Variants in ARID3A observed in about 807,000 individuals in gnomAD.
ARID3A encodes AT-rich interactive domain-containing protein 3A.
Under a neutral mutation model 52.7 loss-of-function variants are expected in ARID3A, and 11 were observed. That is an observed-to-expected ratio of 0.21 (90% confidence interval 0.13 to 0.35). The LOEUF is 0.35. ARID3A is among the 10% of genes least tolerant of loss of function. ARID3A has a pLI of 1.00. For synonymous variants in ARID3A, 404 were observed against 359.4 expected (o/e 1.12, Z -1.40); for missense variants, 721 against 838.5 (o/e 0.86, Z 1.73).
In ARID3A at chr19:947,464, G is replaced by C. The variant is rs2037710731; in HGVS notation, c.694-12628G>C. On this transcript the variant is annotated intron_variant, in intron 3 of 8. Coordinates refer to ENST00000263620, the MANE Select transcript of ARID3A (RefSeq NM_005224.3). The surrounding 1 kb of genome is among the most constrained non-coding windows in gnomAD (Gnocchi z 6.3). ...CTCGTGGGCCTCAGTTTCCCCAACT[G>C]TGAAACGGGCTGGCGGCCGGTCAGC... is the stretch of plus-strand genomic sequence containing the variant. Among the ~76,000 whole-genome samples, 2 of 152,140 alleles carry C rather than the reference G, an allele frequency of 1.3e-5. No individual in the cohort carries two copies. The highest frequency in any genetic ancestry group is 1.3e-4 in the Admixed American group (2 of 15,276).
chr19:927,097 G>C (rs1230533671), intron 1 of ARID3A, among the ~76,000 whole-genome samples: 1 of 151,970 alleles, frequency 6.6e-6, no homozygotes, highest in East Asian at 1.9e-4. Flanking sequence ...GCCACCCGCG[G>C]GCCCGGGGCC....
In ARID3A at chr19:960,109, G is replaced by C. The variant is rs2038007593; in HGVS notation, c.711G>C (p.Gly237=). The C allele has an allele frequency of 6.2e-7, 1 of 1,613,074 alleles. No individual in the cohort carries two copies. Among genetic ancestry groups the C allele is most frequent in the Non-Finnish European group, 8.5e-7 (1 of 1,179,482 alleles). Residue 237 remains glycine (G), a synonymous_variant, in exon 4 of 9, where the codon GGG becomes GGC. Coordinates refer to ENST00000263620, the MANE Select transcript of ARID3A (RefSeq NM_005224.3). The surrounding 1 kb of genome is among the most constrained non-coding windows in gnomAD (Gnocchi z 4.3). ...CCTCACAGCTCTACGAACTCGACGGGGACCCCAAGAGGAAGGAATTCCTGG... is the reference window on the plus strand; with the variant it reads ...CCTCACAGCTCTACGAACTCGACGGCGACCCCAAGAGGAAGGAATTCCTGG... ...EQFKQLYELD[G]DPKRKEFLDD... is the part of the protein sequence containing the mutation.
intron 2 of ARID3A, among the ~76,000 whole-genome samples, chr19:932,113 G>A (rs1285185035): frequency 6.6e-6 from 1 of 151,978 alleles, no homozygotes; most frequent in East Asian, 1.9e-4. Context: ...CTCCCGCCTT[G>A]GCCTCCCAGA....
At chr19:961,075 A>C (rs2038031158) in intron 4 of ARID3A, among the ~76,000 whole-genome samples, 1 of 151,458 alleles carries the variant, frequency 6.6e-6, no homozygotes, top group Admixed American at 6.6e-5. Context: ...AGCCGCCCCA[A>C]CCCCCCTGGA....
At chr19:966,515 A>G (rs1568373166) in intron 6 of ARID3A, 57 bp from the exon 7 acceptor site, 2 of 1,358,862 alleles carry the variant, frequency 1.5e-6, no homozygotes, top group East Asian at 2.4e-5. Flanking sequence ...TCCTGCCTTG[A>G]GTGGAAGGCA....
In ARID3A at chr19:960,229, A is replaced by ACTGG. The variant is rs2038011110; in HGVS notation, c.766+68_766+71dup. 1 of 1,474,360 alleles carries ACTGG rather than the reference A, an allele frequency of 6.8e-7. No homozygotes were observed. Among genetic ancestry groups the ACTGG allele is most frequent in the Non-Finnish European group, 9.3e-7 (1 of 1,074,970 alleles). The allele number at this position is 1,474,360 out of a possible 1,614,324, so 91.3% of individuals were successfully genotyped here. A position where few individuals can be genotyped will look rare whatever the true frequency, so the allele number is the denominator to read the frequency against. ...GAAACAGGGCTGTAGGAGGGGCCCTACTGGCTCCAGGTATGTCGGGGCGGT... is the reference window on the plus strand; with the variant it reads ...GAAACAGGGCTGTAGGAGGGGCCCTACTGGCTGGCTCCAGGTATGTCGGGGCGGT... On this transcript the variant is annotated intron_variant, in intron 4 of 8. Transcript: ENST00000263620. The surrounding 1 kb of genome is among the most constrained non-coding windows in gnomAD (Gnocchi z 4.3).
At position 972,657 on chromosome 19, in the gene ARID3A, G is replaced by A. The variant is rs1318825322; in HGVS notation, c.*592G>A. The A allele has an allele frequency of 9.0e-6, 2 of 221,972 alleles. No individual in the cohort carries two copies. Among genetic ancestry groups the A allele is most frequent in the Non-Finnish European group, 9.0e-6 (1 of 111,078 alleles). The allele number at this position is 221,972 out of a possible 1,614,324, so 13.8% of individuals were successfully genotyped here. Reference sequence around the variant, plus strand: ...TTTTTTTTCTCTGTAGGGTTTTTAAGAGGTTTCGGGGGTTTTGTTGTGTAA... The same window carrying A: ...TTTTTTTTCTCTGTAGGGTTTTTAAAAGGTTTCGGGGGTTTTGTTGTGTAA... On this transcript the variant is annotated 3_prime_UTR_variant, in exon 9 of 9. Transcript: ENST00000263620.
At position 926,066 on chromosome 19, in the gene ARID3A, C is replaced by T. The variant is rs1271594998; in HGVS notation, c.-268+7C>T. ...GGACGCGGCTGGCGGCTCGGTGAGTCGGCGCGCGGCACAGCCCCGTGGGTC... is the reference window on the plus strand; with the variant it reads ...GGACGCGGCTGGCGGCTCGGTGAGTTGGCGCGCGGCACAGCCCCGTGGGTC... On this transcript the variant is annotated splice_region_variant and intron_variant, in intron 1 of 8. Transcript: ENST00000263620. 1 of 136,606 alleles carries T rather than the reference C, an allele frequency of 7.3e-6. No homozygotes were observed. The allele number at this position is 136,606 out of a possible 1,614,324, so 8.5% of individuals were successfully genotyped here.
chr19:930,614 A>G lies in ARID3A; in HGVS notation c.368+718A>G, dbSNP rs1359085964. Among the ~76,000 whole-genome samples the G allele has an allele frequency of 5.5e-5, 8 of 144,670 alleles. No homozygotes were observed. In the East Asian group the frequency reaches 1.3e-3, roughly 23 times the overall value. 94.9% of individuals were successfully genotyped at this position (144,670 alleles called of 152,430 possible). On this transcript the variant is annotated intron_variant, in intron 2 of 8. Transcript: ENST00000263620. The stretch of plus-strand genomic sequence containing the variant: ...AACCTCCTCCTCCCGGGTTCACACC[A>G]TTCTCCTGCCTCAGCCTCCCGAGTA...
rs1486551889 is a variant in ARID3A at position 947,794 on chromosome 19, G to C, written c.694-12298G>C. 6.6e-6 allele frequency among the ~76,000 whole-genome samples: 1 copy of C among 152,328 alleles called. No individual in the cohort carries two copies. The highest frequency in any genetic ancestry group is 1.9e-4 in the East Asian group (1 of 5,186). The stretch of plus-strand genomic sequence containing the variant: ...GTGTATTTCCAGAGAGGGGACTCGG[G>C]GCCCATCAGGGCCGGGGGAGTGGAG... On this transcript the variant is annotated intron_variant, in intron 3 of 8. Transcript: ENST00000263620. This position sits in a 1 kb window ranked among gnomAD's most constrained non-coding sequence, Gnocchi z 6.3.
intron 8 of ARID3A, among the ~76,000 whole-genome samples, chr19:970,122 G>T (rs2038245881): frequency 6.6e-6 from 1 of 151,988 alleles, no homozygotes; most frequent in African/African-American, 2.4e-5. Flanking sequence ...AGACCAGCCT[G>T]ATCAACATGG....
At position 964,062 on chromosome 19, in the gene ARID3A, G is replaced by C. The variant is rs1373609176; in HGVS notation, c.767-186G>C. On this transcript the variant is annotated intron_variant, in intron 4 of 8. Transcript: ENST00000263620. The surrounding 1 kb of genome is among the most constrained non-coding windows in gnomAD (Gnocchi z 5.7). The stretch of plus-strand genomic sequence containing the variant: ...AGAGCTGCCCCCTCTGCACCCTCTC[G>C]AGCAGAGGTTCCCAGCCTGGATGAT... Among the ~76,000 whole-genome samples, 2 of 152,200 alleles carry C rather than the reference G, an allele frequency of 1.3e-5. No homozygotes were observed. The highest frequency in any genetic ancestry group is 6.5e-5 in the Admixed American group (1 of 15,282).
At chr19:933,066 G>A (rs1003305049) in intron 3 of ARID3A, among the ~76,000 whole-genome samples, 1 of 152,172 alleles carries the variant, frequency 6.6e-6, no homozygotes, top group South Asian at 2.1e-4. Context: ...GGCCCGAGCT[G>A]GGCTTGGGTT....
At chr19:926,903 G>A (rs1286599647) in intron 1 of ARID3A, among the ~76,000 whole-genome samples, 1 of 151,890 alleles carries the variant, frequency 6.6e-6, no homozygotes, top group Non-Finnish European at 1.5e-5. Context: ...ATGCAAATCG[G>A]CCGCTTTCCA....
At chr19:937,369 G>T (rs910095409) in intron 3 of ARID3A, among the ~76,000 whole-genome samples, 10 of 152,190 alleles carry the variant, frequency 6.6e-5, no homozygotes. Flanking sequence ...CAGCACCGTG[G>T]CCTGGGTCGG....
chr19:932,788 G>T, intron 3 of ARID3A, 46 bp downstream of exon 3: 1 of 1,544,056 alleles, frequency 6.5e-7, no homozygotes. Context: ...CTGCTCCTGG[G>T]CCAGTGGGGC....
intron 7 of ARID3A, among the ~76,000 whole-genome samples, chr19:967,895 A>T (rs1010022778): frequency 6.6e-6 from 1 of 151,778 alleles, no homozygotes; most frequent in Non-Finnish European, 1.5e-5. Flanking sequence ...AAATACAAAA[A>T]TTAGCCGGGT....
Position 932,558 on chromosome 19 carries a change from C to T in ARID3A, c.509C>T (p.Thr170Met), listed in dbSNP as rs773573379. 3.0e-5 allele frequency: 45 copies of T among 1,506,430 alleles called. No homozygotes were observed. The highest frequency in any genetic ancestry group is 7.6e-5 in the East Asian group (3 of 39,398). The allele number at this position is 1,506,430 out of a possible 1,614,324, so 93.3% of individuals were successfully genotyped here. A position where few individuals can be genotyped will look rare whatever the true frequency, so the allele number is the denominator to read the frequency against. The change falls in exon 3 of 9, where the codon ACG becomes ATG. Residue 170 changes from threonine to methionine, a missense_variant. This residue lies in a region of ARID3A where 349 missense variants were observed against 297.3 expected (regional missense o/e 1.17). Coordinates refer to ENST00000263620, the MANE Select transcript of ARID3A (RefSeq NM_005224.3). The part of the protein sequence containing the change: ...GPPGPASLGT[T>M]ALFPRKAQPP... ...CCAGGCCCTGCCAGCTTGGGCACCACGGCACTGTTCCCCCGAAAGGCCCAG... is the reference window on the plus strand; with the variant it reads ...CCAGGCCCTGCCAGCTTGGGCACCATGGCACTGTTCCCCCGAAAGGCCCAG...
rs2037355958 is a variant in ARID3A at position 932,582 on chromosome 19, A to G, written c.533A>G (p.Gln178Arg). 1.3e-6 allele frequency: 2 copies of G among 1,506,670 alleles called. No individual in the cohort carries two copies. The highest frequency in any genetic ancestry group is 5.1e-5 in the East Asian group (2 of 39,406). 93.3% of individuals were successfully genotyped at this position (1,506,670 alleles called of 1,614,324 possible). ...ACGGCACTGTTCCCCCGAAAGGCCC[A>G]GCCACCCCAGGCCTTCCGCGGCGAT... The part of the protein sequence containing the change: ...GTTALFPRKA[Q>R]PPQAFRGDGV... Residue 178 changes from glutamine (Q) to arginine (R), a missense_variant, in exon 3 of 9, where the codon CAG (glutamine) becomes CGG (arginine). Physicochemically the swap from Gln to Arg is conservative, Grantham distance 43 (BLOSUM62 1). This residue lies in a region of ARID3A where 349 missense variants were observed against 297.3 expected (regional missense o/e 1.17). Coordinates refer to ENST00000263620, the MANE Select transcript of ARID3A (RefSeq NM_005224.3).
Sources: gnomAD v4.1 joint callset for allele counts (sites outside exome capture counted in the v4.1 genomes callset) on GRCh38, gnomAD v4.1.1 for gene constraint, gnomAD v4.1.1 regional missense constraint, Gnocchi (gnomAD v3.1) non-coding constraint, MANE v1.5 for transcripts, NCBI Gene and HGNC (gene_info 2026-07-23, HGNC 2026-07-21) for gene names.